Variants in TMEM272 observed in about 807,000 individuals in gnomAD.
TMEM272 encodes the protein long intergenic non-protein coding RNA 282.
A neutral mutation model predicts 3.7 loss-of-function variants in TMEM272; 8 were observed. That is an observed-to-expected ratio of 2.17 (90% CI 1.27 to 3.91). The LOEUF (loss-of-function observed/expected upper bound fraction) is 3.91. Among genes scored for constraint, TMEM272 ranks in the 30% most tolerant of loss-of-function variants. The pLI is 0.00. For synonymous variants in TMEM272, 63 were observed against 39.8 expected (o/e 1.58, Z -2.20); for missense variants, 166 against 91.5 (o/e 1.81, Z -3.32).
chr13:51,856,030 A>C, the TMEM272 span, among the ~76,000 whole-genome samples: 1 of 152,232 alleles, frequency 6.6e-6, no homozygotes, highest in Non-Finnish European at 1.5e-5. Context: ...AGATGGAGTT[A>C]TTACTCAAAT....
the TMEM272 span, among the ~76,000 whole-genome samples, chr13:51,904,439 G>A: frequency 1.3e-5 from 2 of 152,138 alleles, no homozygotes; most frequent in Non-Finnish European, 2.9e-5. Context: ...TCATGATCAT[G>A]ATGAGTCAGA....
chr13:51,820,437 G>A (rs1956069142), intron 4 of TMEM272, among the ~76,000 whole-genome samples: 1 of 152,176 alleles, frequency 6.6e-6, no homozygotes, highest in Non-Finnish European at 1.5e-5. Context: ...TTGCCATCAT[G>A]AGCACAAAAA....
At chr13:51,886,568 C>T in the TMEM272 span, among the ~76,000 whole-genome samples, 1 of 152,194 alleles carries the variant, frequency 6.6e-6, no homozygotes, top group Non-Finnish European at 1.5e-5. Flanking sequence ...TTAACCTCTC[C>T]ACTGTTGGTG....
intron 4 of TMEM272, among the ~76,000 whole-genome samples, chr13:51,820,340 A>G (rs1403633881): frequency 1.3e-5 from 2 of 152,168 alleles, no homozygotes; most frequent in Non-Finnish European, 2.9e-5. Context: ...AATACAAACC[A>G]TCATTATCAC....
chr13:51,912,529 T>A, the TMEM272 span, among the ~76,000 whole-genome samples: 279 of 152,190 alleles, frequency 1.8e-3, 3 homozygotes, highest in Non-Finnish European at 2.9e-3. Flanking sequence ...ACTTTCCAAA[T>A]TTCCCTCTAA....
At chr13:51,930,137 C>G in the TMEM272 span, among the ~76,000 whole-genome samples, 11 of 148,726 alleles carry the variant, frequency 7.4e-5, no homozygotes, top group African/African-American at 2.5e-4. Context: ...TCCCCCCCCC[C>G]ACTTTCTATA....
the TMEM272 span, among the ~76,000 whole-genome samples, chr13:51,862,723 G>T: frequency 2.0e-5 from 3 of 152,160 alleles, no homozygotes; most frequent in Non-Finnish European, 4.4e-5. Flanking sequence ...ACTGAAGTGA[G>T]GTTGGGCAAG....
At chr13:51,832,367 C>T (rs1956180481) in intron 2 of TMEM272, among the ~76,000 whole-genome samples, 1 of 152,154 alleles carries the variant, frequency 6.6e-6, no homozygotes, top group Non-Finnish European at 1.5e-5. Flanking sequence ...GAGTCTGTTT[C>T]CTATGAATAG....
the TMEM272 span, among the ~76,000 whole-genome samples, chr13:51,898,712 A>G: frequency 9.9e-5 from 15 of 151,318 alleles, no homozygotes; most frequent in Non-Finnish European, 2.1e-4. Flanking sequence ...GCTTAGACTT[A>G]TATCTTTTTC....
the TMEM272 span, among the ~76,000 whole-genome samples, chr13:51,872,897 CAT>C: frequency 6.6e-6 from 1 of 152,170 alleles, no homozygotes; most frequent in South Asian, 2.1e-4. Flanking sequence ...TTTTCAGGCA[CAT>C]GAGATCTCAA....
chr13:51,840,062 C>G (rs1956248749), intron 1 of TMEM272, among the ~76,000 whole-genome samples: 1 of 152,112 alleles, frequency 6.6e-6, no homozygotes, highest in South Asian at 2.1e-4. Context: ...GTTCGTATGC[C>G]CCATTTTACA....
the TMEM272 span, among the ~76,000 whole-genome samples, chr13:51,852,066 A>G: frequency 6.6e-6 from 1 of 152,240 alleles, no homozygotes; most frequent in Non-Finnish European, 1.5e-5. Flanking sequence ...TTAGTTTCTG[A>G]CAAATCCCCA....
At chr13:51,852,331 T>G in the TMEM272 span, among the ~76,000 whole-genome samples, 1 of 152,270 alleles carries the variant, frequency 6.6e-6, no homozygotes, top group African/African-American at 2.4e-5. Flanking sequence ...ATTTATCTAT[T>G]GGGTTGGTGG....
intron 2 of TMEM272, among the ~76,000 whole-genome samples, chr13:51,832,239 A>G (rs774569827): frequency 2.0e-5 from 3 of 152,176 alleles, no homozygotes; most frequent in Non-Finnish European, 4.4e-5. Flanking sequence ...GGTGTTAAAG[A>G]TACGCTGCCA....
At chr13:51,828,913 G>C (rs971639773) in intron 2 of TMEM272, among the ~76,000 whole-genome samples, 3 of 152,184 alleles carry the variant, frequency 2.0e-5, no homozygotes, top group African/African-American at 7.2e-5. Context: ...TTCAGATGCA[G>C]ACAGAAGGCA....
chr13:51,851,522 C>CT, the TMEM272 span, among the ~76,000 whole-genome samples: 409 of 97,978 alleles, frequency 4.2e-3, 13 homozygotes, highest in African/African-American at 0.011. Flanking sequence ...TTTGTTTTAC[C>CT]TTTTTTTTTT....
the TMEM272 span, among the ~76,000 whole-genome samples, chr13:51,872,604 A>G: frequency 6.6e-6 from 1 of 152,242 alleles, no homozygotes; most frequent in Non-Finnish European, 1.5e-5. Flanking sequence ...ACACATCACT[A>G]TGGAATTTCA....
chr13:51,823,678 T>G lies in TMEM272; in HGVS notation c.119-1541A>C, dbSNP rs143908675. The stretch of plus-strand genomic sequence containing the variant: ...AGAGTCCAAGAAAGGGAATTCTTAC[T>G]GTAGAACCAAAGCCTCCTGTTTAAA... On this transcript the variant is annotated intron_variant, in intron 3 of 4. Coordinates refer to ENST00000629372, the MANE Select transcript of TMEM272 (RefSeq NM_001351003.2). 5.2e-3 allele frequency among the ~76,000 whole-genome samples: 788 copies of G among 152,394 alleles called. 6 individuals carry two copies. Among genetic ancestry groups the G allele is most frequent in the Middle Eastern group, 0.017 (5 of 294 alleles).
chr13:51,913,164 T>A, the TMEM272 span, among the ~76,000 whole-genome samples: 1 of 152,184 alleles, frequency 6.6e-6, no homozygotes, highest in Non-Finnish European at 1.5e-5. Flanking sequence ...GGACCTCGGG[T>A]TGAAGGTGAA....
Sources: allele counts gnomAD v4.1 joint callset (sites outside exome capture counted in the v4.1 genomes callset), GRCh38; gene constraint gnomAD v4.1.1; transcripts MANE v1.5; gene names NCBI Gene and HGNC (gene_info 2026-07-23, HGNC 2026-07-21).